The following TTLL8 variants were observed in gnomAD, a reference collection of about 807,000 sequenced individuals.
The protein encoded by TTLL8 is protein monoglycylase TTLL8.
In TTLL8, 65 loss-of-function variants were observed where a neutral mutation model predicts 77.8. The ratio of observed to expected loss-of-function variants is 0.84; its 90% confidence interval spans 0.68 to 1.03. TTLL8 has a LOEUF of 1.03. Ranked by LOEUF, TTLL8 falls within the 50% of genes least tolerant of loss-of-function variation. The probability of loss-of-function intolerance (pLI) is 0.00; values close to 1 mark genes in which losing one functional copy is unlikely to be tolerated. For missense variants in TTLL8, 910 were observed against 1,004.5 expected (o/e 0.91, Z 1.27); for synonymous variants, 402 against 422.8 (o/e 0.95, Z 0.60).
At position 50,034,415 on chromosome 22, in the gene TTLL8, G is replaced by A. The variant is rs370650280; in HGVS notation, c.969C>T (p.Asp323=). Residue 323 remains aspartate, a synonymous_variant, in exon 9 of 14, where the codon GAC becomes GAT. Coordinates refer to ENST00000266182, the Ensembl canonical transcript of TTLL8. This position sits in a 1 kb window ranked among gnomAD's most constrained non-coding sequence, Gnocchi z 4.1. ...TCCAGATGTTCCGGAGCCCGTCAAT[G>A]TCCGTCTGAGGGTTCACAGACGTGA... The A allele has an allele frequency of 3.7e-6, 5 of 1,367,232 alleles. No homozygotes were observed. The African/African-American group carries it at 7.4e-5, about 20-fold the overall frequency. The allele number at this position is 1,367,232 out of a possible 1,614,324, so 84.7% of individuals were successfully genotyped here. A position where few individuals can be genotyped will look rare whatever the true frequency, so the allele number is the denominator to read the frequency against.
At position 50,034,223 on chromosome 22, in the gene TTLL8, C is replaced by T. The variant is rs1286760278; in HGVS notation, c.1039+122G>A. ...GTCCTGACCCCCACGCCTGCCTCGG[C>T]GTTCTGCTCCCTCCCTTCCTTCCCT... On this transcript the variant is annotated intron_variant, in intron 9 of 13. Transcript: ENST00000266182. This position sits in a 1 kb window ranked among gnomAD's most constrained non-coding sequence, Gnocchi z 4.1. 7.7e-6 allele frequency: 9 copies of T among 1,175,024 alleles called. No homozygotes were observed. The highest frequency in any genetic ancestry group is 3.8e-4 in the Middle Eastern group (1 of 2,602). The allele number at this position is 1,175,024 out of a possible 1,614,324, so 72.8% of individuals were successfully genotyped here.
chr22:50,049,329 A>G lies in TTLL8; in HGVS notation c.191-7T>C, dbSNP rs369545601. On this transcript the variant is annotated splice_polypyrimidine_tract_variant and splice_region_variant and intron_variant, in intron 2 of 13. Coordinates refer to ENST00000266182, the Ensembl canonical transcript of TTLL8. ...ACTTTGGCACATGTATCATCTGCCAACAAAACACAGGGGAGGCCTGAACAT... is the reference window on the plus strand; with the variant it reads ...ACTTTGGCACATGTATCATCTGCCAGCAAAACACAGGGGAGGCCTGAACAT... 3 of 1,367,406 alleles carry G rather than the reference A, an allele frequency of 2.2e-6. No individual in the cohort carries two copies. The highest frequency in any genetic ancestry group is 1.1e-5 in the South Asian group (1 of 88,050). 84.7% of individuals were successfully genotyped at this position (1,367,406 alleles called of 1,614,324 possible). A position where few individuals can be genotyped will look rare whatever the true frequency, so the allele number is the denominator to read the frequency against.
chr22:50,058,113 G>A (rs2061496447), upstream of TTLL8, among the ~76,000 whole-genome samples: 1 of 151,824 alleles, frequency 6.6e-6, no homozygotes, highest in Non-Finnish European at 1.5e-5. This position sits in a 1 kb window ranked among gnomAD's most constrained non-coding sequence, Gnocchi z 4.2. Context: ...GATCGGAAGC[G>A]CGGACGGGCC....
exon 11 of TTLL8, chr22:50,031,760 C>T: frequency 7.3e-7 from 1 of 1,364,560 alleles, no homozygotes; most frequent in East Asian, 4.6e-5. Flanking sequence ...TCCTCCTGCA[C>T]CTGTGCACAC....
At chr22:50,032,178 C>G in intron 10 of TTLL8, 69 bp from the exon 12 acceptor site, 1 of 1,288,622 alleles carries the variant, frequency 7.8e-7, no homozygotes, top group Non-Finnish European at 1.0e-6. Flanking sequence ...GCCGGTCCTC[C>G]CAGCCGTGCT....
upstream of TTLL8, among the ~76,000 whole-genome samples, chr22:50,055,737 C>A (rs1211715076): frequency 6.6e-6 from 1 of 150,726 alleles, no homozygotes; most frequent in Non-Finnish European, 1.5e-5. Flanking sequence ...CATGAGCCAG[C>A]AAAATTCATC....
chr22:50,056,787 C>T, upstream of TTLL8: 1 of 1,288,626 alleles, frequency 7.8e-7, no homozygotes, highest in South Asian at 1.2e-5. The surrounding 1 kb of genome is among the most constrained non-coding windows in gnomAD (Gnocchi z 4.1). Flanking sequence ...GATTTCCTGG[C>T]AGCAGGCTGC....
Position 50,034,901 on chromosome 22 carries a change from T to G in TTLL8, c.922-439A>C, listed in dbSNP as rs2061325403. ...GTTGGTGGTGCCTGGGACCGACCCC[T>G]GGTAGGAAAGTGGCCGGCCCGTGCA... On this transcript the variant is annotated intron_variant, in intron 8 of 13. Transcript: ENST00000266182. The surrounding 1 kb of genome is among the most constrained non-coding windows in gnomAD (Gnocchi z 4.1). 6.6e-6 allele frequency among the ~76,000 whole-genome samples: 1 copy of G among 152,048 alleles called. No homozygotes were observed.
intron 12 of TTLL8, chr22:50,027,768 C>T (rs1476623424): frequency 2.0e-6 from 2 of 985,342 alleles, no homozygotes; most frequent in Non-Finnish European, 2.4e-6. Flanking sequence ...CAAACACACA[C>T]CAGGCGAGCA....
upstream of TTLL8, chr22:50,055,075 A>T: frequency 1.1e-6 from 1 of 881,386 alleles, no homozygotes; most frequent in Non-Finnish European, 1.4e-6. Context: ...TAAGTTAAGT[A>T]AATAAATGAA....
chr22:50,057,200 TGGATTA>T (rs2061476080), upstream of TTLL8, among the ~76,000 whole-genome samples: 5 of 91,524 alleles, frequency 5.5e-5, no homozygotes, highest in South Asian at 3.8e-4. Context: ...GGGTCAGGTC[TGGATTA>T]GGGGTCAGCT....
chr22:50,050,631 G>C (rs955993496), intron 1 of TTLL8, among the ~76,000 whole-genome samples: 1 of 152,144 alleles, frequency 6.6e-6, no homozygotes, highest in Non-Finnish European at 1.5e-5. Context: ...AGAAAAGTAA[G>C]ATAAATAGCC....
chr22:50,046,837 C>T (rs892019416), intron 4 of TTLL8, among the ~76,000 whole-genome samples: 5 of 152,158 alleles, frequency 3.3e-5, no homozygotes, highest in African/African-American at 4.8e-5. Flanking sequence ...CTGGGGGGAG[C>T]GGCACCTCTT....
upstream of TTLL8, chr22:50,055,230 T>C (rs1392954011): frequency 7.8e-7 from 1 of 1,289,224 alleles, no homozygotes; most frequent in Non-Finnish European, 1.0e-6. Context: ...CAAGGAGCAT[T>C]TACCTTGATT....
Position 50,037,586 on chromosome 22 carries a change from AT to A in TTLL8, c.922-3125del, listed in dbSNP as rs202236689. ...ATTTGTGAAGCAGAATTCAAGGTAC[AT>A]TTTTTTTTCGTATGGCTGACCACTG... On this transcript the variant is annotated intron_variant, in intron 8 of 13. Coordinates refer to ENST00000266182, the Ensembl canonical transcript of TTLL8. Among the ~76,000 whole-genome samples, 6 of 150,944 alleles carry A rather than the reference AT, an allele frequency of 4.0e-5. No homozygotes were observed. The East Asian group carries it at 7.7e-4, about 19-fold the overall frequency.
chr22:50,033,214 T>C (rs2061310308), exon 10 of TTLL8: 1 of 1,350,974 alleles, frequency 7.4e-7, no homozygotes, highest in Non-Finnish European at 9.9e-7. Flanking sequence ...GTCCAGCTTG[T>C]CCAGGGAGAA....
exon 12 of TTLL8, chr22:50,030,447 G>A (rs2146643585): frequency 7.5e-7 from 1 of 1,334,360 alleles, no homozygotes; most frequent in Non-Finnish European, 9.9e-7. Flanking sequence ...TCCGGGCGGC[G>A]GACGCAGCGC....
chr22:50,032,986 G>T lies in TTLL8; in HGVS notation c.1283+216C>A, dbSNP rs192360874. 2.4e-4 allele frequency: 54 copies of T among 226,436 alleles called. No individual in the cohort carries two copies. In the East Asian group the frequency reaches 2.6e-3, roughly 11 times the overall value. The allele number at this position is 226,436 out of a possible 1,614,324, so 14.0% of individuals were successfully genotyped here. On this transcript the variant is annotated intron_variant, in intron 10 of 13. Coordinates refer to ENST00000266182, the Ensembl canonical transcript of TTLL8. The stretch of plus-strand genomic sequence containing the variant: ...CCAGAGATGATGCACAGAGCGTGGG[G>T]TGTAGGGCGCTGGCTTTGAAGGCCG...
At chr22:50,019,306 G>A (rs1430768145) in intron 12 of TTLL8, among the ~76,000 whole-genome samples, 1 of 152,170 alleles carries the variant, frequency 6.6e-6, no homozygotes, top group Non-Finnish European at 1.5e-5. Flanking sequence ...TAGAATAGAT[G>A]AGATCAACAA....
Sources: allele counts gnomAD v4.1 joint callset (sites outside exome capture counted in the v4.1 genomes callset), GRCh38; gene constraint gnomAD v4.1.1; non-coding constraint Gnocchi (gnomAD v3.1); transcripts MANE v1.5; gene names NCBI Gene and HGNC (gene_info 2026-07-23, HGNC 2026-07-21).